Variants in CDHR2 observed in about 807,000 individuals in gnomAD.
CDHR2 encodes cadherin-related family member 2.
A neutral mutation model predicts 138.6 loss-of-function variants in CDHR2; 104 were observed. The observed-to-expected ratio is 0.75, with a 90% CI of 0.64 to 0.88. CDHR2 has a LOEUF of 0.88. CDHR2 is among the 40% of genes least tolerant of loss of function. The pLI is 0.00. For missense variants in CDHR2, 1,624 were observed against 1,727.6 expected, an observed-to-expected ratio of 0.94 and a Z score of 1.06; for synonymous variants, 755 against 742.8, an observed-to-expected ratio of 1.02 and a Z score of -0.27.
chr5:176,580,798 AC>A (rs1347381979), intron 16 of CDHR2, among the ~76,000 whole-genome samples: 1 of 152,154 alleles, frequency 6.6e-6, no homozygotes, highest in Admixed American at 6.5e-5. Context: ...AATCACTTGA[AC>A]CCAGGAGAAG....
intron 4 of CDHR2, 35 bp from the exon 5 acceptor site, chr5:176,568,925 G>C (rs774032013): frequency 1.9e-6 from 3 of 1,613,128 alleles, no homozygotes; most frequent in Non-Finnish European, 2.5e-6. Flanking sequence ...CCCAGCGGGG[G>C]CTCACCACCG....
intron 21 of CDHR2, among the ~76,000 whole-genome samples, chr5:176,588,655 G>A (rs1294618620): frequency 6.6e-6 from 1 of 150,466 alleles, no homozygotes; most frequent in East Asian, 2.0e-4. Flanking sequence ...GAGTGGGACA[G>A]TGTGTGAGAG....
chr5:176,570,632 G>A (rs961605976), intron 5 of CDHR2, among the ~76,000 whole-genome samples: 2 of 152,174 alleles, frequency 1.3e-5, no homozygotes, highest in South Asian at 2.1e-4. Flanking sequence ...GAGCCACTGC[G>A]CCTGGCTGGC....
chr5:176,545,615 G>A (rs951986565), upstream of CDHR2, among the ~76,000 whole-genome samples: 1 of 152,218 alleles, frequency 6.6e-6, no homozygotes, highest in African/African-American at 2.4e-5. Context: ...CTATGAGGTG[G>A]AGTCTGCATT....
chr5:176,588,041 T>C (rs1186476676), intron 21 of CDHR2, among the ~76,000 whole-genome samples: 1 of 152,202 alleles, frequency 6.6e-6, no homozygotes, highest in Non-Finnish European at 1.5e-5. Flanking sequence ...TGTGTGCTGG[T>C]TAAATTTTTC....
intron 25 of CDHR2, 53 bp from the exon 26 acceptor site, chr5:176,590,200 G>A (rs1368485567): frequency 6.8e-6 from 11 of 1,607,636 alleles, no homozygotes; most frequent in Non-Finnish European, 8.5e-6. Context: ...GGTAGCAGGA[G>A]GGGCCTGCTG....
At position 176,590,433 on chromosome 5, in the gene CDHR2, G is replaced by C. The variant is rs535394859; in HGVS notation, c.3362G>C (p.Arg1121Pro). The change falls in exon 27 of 32, where the codon CGG (arginine) becomes CCG (proline). Residue 1121 changes from arginine to proline, a missense_variant. Around this residue, in one of 3 missense-constraint regions of CDHR2, gnomAD observed 556 missense variants for 565.7 expected, o/e 0.98. Transcript: ENST00000261944. ...LTLDELSVMI[R>P]NDQDSLTQLL... is the part of the protein sequence containing the mutation. ...TGGAGTTCTGTGGCCAGGATGATCC[G>C]GAATGATCAGGACTCGCTGACGCAG... 6.2e-7 allele frequency: 1 copy of C among 1,614,044 alleles called. No individual in the cohort carries two copies. The highest frequency in any genetic ancestry group is 2.2e-5 in the East Asian group (1 of 44,862).
intron 14 of CDHR2, 22 bp downstream of exon 14, chr5:176,577,820 G>C: frequency 6.2e-7 from 1 of 1,612,348 alleles, no homozygotes; most frequent in South Asian, 1.1e-5. Flanking sequence ...GGACACAGTG[G>C]GGCTGTGGGG....
rs540433514 is a variant in CDHR2 at position 176,592,900 on chromosome 5, C to A, written c.3792+120C>A. ...GGCAGTTCTGCTTCTCTGCACCAGG[C>A]CCCAGGAAGCCCTGTGGCTTTGGAA... On this transcript the variant is annotated intron_variant, in intron 31 of 31. Transcript: ENST00000261944. 10 of 840,812 alleles carry A rather than the reference C, an allele frequency of 1.2e-5. No homozygotes were observed. The South Asian group carries it at 1.3e-4, about 11-fold the overall frequency. The allele number at this position is 840,812 out of a possible 1,614,324, so 52.1% of individuals were successfully genotyped here.
chr5:176,564,762 A>G (rs1758042019), intron 1 of CDHR2, among the ~76,000 whole-genome samples: 1 of 151,974 alleles, frequency 6.6e-6, no homozygotes, highest in African/African-American at 2.4e-5. Context: ...CAGTTTGGGA[A>G]AGGCTGCAAA....
chr5:176,581,694 C>A (rs1758538303), intron 17 of CDHR2, 112 bp downstream of exon 17: 2 of 1,395,884 alleles, frequency 1.4e-6, no homozygotes, highest in Admixed American at 1.9e-5. Context: ...GGGTTACAAT[C>A]CCGCTCACTC....
intron 16 of CDHR2, among the ~76,000 whole-genome samples, chr5:176,580,156 A>T (rs1758494555): frequency 6.7e-6 from 1 of 148,764 alleles, no homozygotes; most frequent in Non-Finnish European, 1.5e-5. Context: ...TCACACACAC[A>T]CTCACACACG....
chr5:176,572,733 G>C (rs1758267068), intron 6 of CDHR2, among the ~76,000 whole-genome samples: 1 of 152,214 alleles, frequency 6.6e-6, no homozygotes, highest in Admixed American at 6.5e-5. Flanking sequence ...GACCTTCCAG[G>C]TGGGGGGCCC....
rs770729681 is a variant in CDHR2 at position 176,591,427 on chromosome 5, C to G, written c.3677C>G (p.Pro1226Arg). 1.2e-6 allele frequency: 2 copies of G among 1,614,030 alleles called. No homozygotes were observed. The highest frequency in any genetic ancestry group is 1.7e-6 in the Non-Finnish European group (2 of 1,180,002). ...AGAGCCAACCCCATGCTGAACCTCC[C>G]CAACAAAGACCTGGGCTTGGAGTAC... Reference protein sequence around the residue: ...TERANPMLNLPNKDLGLEYLS... With the variant: ...TERANPMLNLRNKDLGLEYLS... Residue 1226 changes from proline to arginine, a missense_variant, in exon 30 of 32, where the codon CCC becomes CGC. Physicochemically the swap from Pro to Arg is moderately radical, Grantham distance 103. Coordinates refer to ENST00000261944, the MANE Select transcript of CDHR2 (RefSeq NM_017675.6).
rs370512084 is a variant in CDHR2, at chr5:176,571,310, C to A, written c.405+8C>A. On this transcript the variant is annotated splice_region_variant and intron_variant, in intron 6 of 31. Transcript: ENST00000261944. ...TCCACCAGCATCAACGAGGTGACACCTGCCTTAATGTGGTTGTGGGGCAGG... is the reference window on the plus strand; with the variant it reads ...TCCACCAGCATCAACGAGGTGACACATGCCTTAATGTGGTTGTGGGGCAGG... 407 of 1,599,956 alleles carry A rather than the reference C, an allele frequency of 2.5e-4. 1 individual carries two copies. The highest frequency in any genetic ancestry group is 3.2e-4 in the Non-Finnish European group (373 of 1,172,512).
chr5:176,580,528 C>CAAA (rs35346478), intron 16 of CDHR2, among the ~76,000 whole-genome samples: 25 of 87,442 alleles, frequency 2.9e-4, no homozygotes, highest in African/African-American at 8.8e-4. Flanking sequence ...GACTCCACCT[C>CAAA]AAAAAAAAAA....
At chr5:176,589,941 G>T in intron 24 of CDHR2, 137 bp from the exon 25 acceptor site, 1 of 742,284 alleles carries the variant, frequency 1.3e-6, no homozygotes. Flanking sequence ...TCACAGAGAT[G>T]CTACCTACTC....
rs1758133965 is a variant in CDHR2, at chr5:176,568,578, C to T, written c.125-100C>T. 4 of 1,366,796 alleles carry T rather than the reference C, an allele frequency of 2.9e-6. 1 individual carries two copies. Among genetic ancestry groups the T allele is most frequent in the Non-Finnish European group, 4.0e-6 (4 of 995,886 alleles). 84.7% of individuals were successfully genotyped at this position (1,366,796 alleles called of 1,614,324 possible). A position where few individuals can be genotyped will look rare whatever the true frequency, so the allele number is the denominator to read the frequency against. On this transcript the variant is annotated intron_variant, in intron 3 of 31. Transcript: ENST00000261944. ...CCAGATGGCAAGTCAAGCCTGTGTA[C>T]AGGGCAGCCAGGCGCCCAGCCCAGC...
intron 15 of CDHR2, 27 bp downstream of exon 15, chr5:176,578,122 A>G: frequency 1.3e-6 from 2 of 1,599,132 alleles, no homozygotes; most frequent in East Asian, 4.5e-5. Context: ...GGCCGTAGGC[A>G]GGTGGGTGAG....
Sources: gnomAD v4.1 joint callset for allele counts (sites outside exome capture counted in the v4.1 genomes callset) on GRCh38, gnomAD v4.1.1 for gene constraint, gnomAD v4.1.1 regional missense constraint, MANE v1.5 for transcripts, NCBI Gene and HGNC (gene_info 2026-07-23, HGNC 2026-07-21) for gene names.